Variants in HYCC2 observed in about 807,000 individuals in gnomAD.
HYCC2 encodes hyccin PI4KA lipid kinase complex subunit 2, also known as hyccin 2.
the HYCC2 span, chr2:201,063,217 T>C: frequency 6.2e-7 from 1 of 1,604,512 alleles, no homozygotes; most frequent in African/African-American, 1.3e-5. Flanking sequence ...TCACAGACTG[T>C]GTGGTAATGA....
chr2:200,990,817 C>T, the HYCC2 span, among the ~76,000 whole-genome samples: 3 of 152,170 alleles, frequency 2.0e-5, no homozygotes, highest in Admixed American at 1.3e-4. Flanking sequence ...GTGATACACC[C>T]GCCTCGGCCT....
the HYCC2 span, among the ~76,000 whole-genome samples, chr2:201,008,434 T>A: frequency 6.6e-6 from 1 of 152,200 alleles, no homozygotes; most frequent in Non-Finnish European, 1.5e-5. Flanking sequence ...AAACTTGAAC[T>A]GAAGTAATTA....
chr2:201,042,626 C>T, the HYCC2 span, among the ~76,000 whole-genome samples: 1 of 144,594 alleles, frequency 6.9e-6, no homozygotes, highest in Non-Finnish European at 1.5e-5. Context: ...CTGGGGGAGC[C>T]CCTCCGCCTG....
chr2:201,004,227 A>T, the HYCC2 span, among the ~76,000 whole-genome samples: 1 of 152,222 alleles, frequency 6.6e-6, no homozygotes, highest in East Asian at 1.9e-4. Context: ...GGAAAAAAAC[A>T]GGCATATGGA....
chr2:201,031,470 G>A, the HYCC2 span, among the ~76,000 whole-genome samples: 1 of 152,122 alleles, frequency 6.6e-6, no homozygotes, highest in Admixed American at 6.6e-5. Context: ...TCATCAACAT[G>A]GAGAAACCCC....
At chr2:201,041,075 C>T in the HYCC2 span, among the ~76,000 whole-genome samples, 3 of 152,132 alleles carry the variant, frequency 2.0e-5, no homozygotes, top group African/African-American at 4.8e-5. Flanking sequence ...GTACCTACTT[C>T]ATATAGTTTT....
chr2:200,987,239 G>A, the HYCC2 span: 1,121 of 801,504 alleles, frequency 1.4e-3, 23 homozygotes, highest in South Asian at 0.019. Context: ...GCAAAGAGAA[G>A]CTAATACACC....
the HYCC2 span, among the ~76,000 whole-genome samples, chr2:201,052,997 G>A: frequency 3.5e-4 from 54 of 152,304 alleles, no homozygotes; most frequent in Non-Finnish European, 6.0e-4. Flanking sequence ...CACAGGGCCA[G>A]AAATAGTGCC....
At chr2:201,048,505 A>G in the HYCC2 span, among the ~76,000 whole-genome samples, 1 of 134,416 alleles carries the variant, frequency 7.4e-6, no homozygotes, top group Non-Finnish European at 1.5e-5. Context: ...TTTTTTTTGC[A>G]ATTTTTTTTT....
chr2:201,071,254 G>A, the HYCC2 span, among the ~76,000 whole-genome samples: 1 of 152,098 alleles, frequency 6.6e-6, no homozygotes, highest in African/African-American at 2.4e-5. Context: ...TCAATGCCGT[G>A]TCCTTTTCTC....
At chr2:200,988,518 T>C in the HYCC2 span, 1 of 829,098 alleles carries the variant, frequency 1.2e-6, no homozygotes, top group Non-Finnish European at 1.8e-6. Context: ...TATTTAAAAT[T>C]TGCATTATAA....
the HYCC2 span, chr2:200,987,300 T>C: frequency 2.1e-5 from 26 of 1,232,220 alleles, no homozygotes; most frequent in Non-Finnish European, 2.5e-5. Flanking sequence ...TGCTTGGGGA[T>C]AGAGAGCCAG....
the HYCC2 span, among the ~76,000 whole-genome samples, chr2:201,016,083 T>A: frequency 6.6e-6 from 1 of 152,152 alleles, no homozygotes; most frequent in East Asian, 1.9e-4. Flanking sequence ...ATTTTCAGTG[T>A]CCAACTCAAT....
chr2:200,974,128 T>A, the HYCC2 span: 3 of 151,978 alleles, frequency 2.0e-5, no homozygotes, highest in Admixed American at 6.5e-5. Flanking sequence ...AATTTCTATA[T>A]GCCTATCCTA....
the HYCC2 span, among the ~76,000 whole-genome samples, chr2:201,034,175 C>A: frequency 6.6e-6 from 1 of 152,042 alleles, no homozygotes; most frequent in Non-Finnish European, 1.5e-5. Flanking sequence ...TATTTCCCAA[C>A]TCTATAAAAA....
the HYCC2 span, among the ~76,000 whole-genome samples, chr2:201,015,739 G>T: frequency 6.6e-6 from 1 of 152,116 alleles, no homozygotes; most frequent in Non-Finnish European, 1.5e-5. Context: ...GTCTTTTCCA[G>T]CTTGCATATA....
At chr2:200,989,772 C>G in the HYCC2 span, among the ~76,000 whole-genome samples, 3 of 152,136 alleles carry the variant, frequency 2.0e-5, no homozygotes, top group African/African-American at 7.2e-5. Flanking sequence ...TGTGATCACA[C>G]CACTGCACTC....
the HYCC2 span, chr2:200,992,876 C>T: frequency 6.9e-7 from 1 of 1,453,702 alleles, no homozygotes; most frequent in African/African-American, 1.4e-5. Context: ...TTTTATATTC[C>T]ACCTACTTAC....
At chr2:200,992,780 C>A in the HYCC2 span, 1 of 752,896 alleles carries the variant, frequency 1.3e-6, no homozygotes, top group South Asian at 1.8e-5. Context: ...ATAAGCCCAT[C>A]ATGGAACAAA....
Sources: allele counts gnomAD v4.1 joint callset (sites outside exome capture counted in the v4.1 genomes callset), GRCh38; gene constraint gnomAD v4.1.1; transcripts MANE v1.5; gene names NCBI Gene and HGNC (gene_info 2026-07-23, HGNC 2026-07-21).